The following TARS3 variants were observed in gnomAD, a reference collection of about 807,000 sequenced individuals.
TARS3 encodes the protein threonyl-tRNA synthetase 3, also known as threonine--tRNA ligase 2, cytoplasmic.
In TARS3, 94 loss-of-function variants were observed where a neutral mutation model predicts 103.5. That is an observed-to-expected ratio of 0.91 (90% CI 0.77 to 1.08). The LOEUF is 1.08. Among genes scored for constraint, TARS3 ranks in the 50% least tolerant of loss-of-function variants. The pLI is 0.00. For synonymous variants in TARS3, 416 were observed against 355.4 expected (o/e 1.17, Z -1.92); for missense variants, 952 against 995.2 (o/e 0.96, Z 0.58).
At chr15:101,695,696 A>C (rs1326866357) in intron 10 of TARS3, 1 of 152,024 alleles carries the variant, frequency 6.6e-6, no homozygotes, top group African/African-American at 2.4e-5. Flanking sequence ...TGAGGTTGGG[A>C]GTTTGAGACC....
At position 101,653,865 on chromosome 15, in the gene TARS3, T is replaced by C. The variant is rs1229151112; in HGVS notation, c.*717A>G. On this transcript the variant is annotated 3_prime_UTR_variant, in exon 19 of 19. Transcript: ENST00000335968. ...CATAAATCCATGGAATGTCATCCCA[T>C]CAAAAAAGTAACAACTCTAGGTGAG... is the stretch of plus-strand genomic sequence containing the variant. 1 of 152,116 alleles carries C rather than the reference T, an allele frequency of 6.6e-6. No individual in the cohort carries two copies. The highest frequency in any genetic ancestry group is 1.5e-5 in the Non-Finnish European group (1 of 68,024). 9.4% of individuals were successfully genotyped at this position (152,116 alleles called of 1,614,324 possible).
At chr15:101,700,785 G>A (rs958130794) in intron 10 of TARS3, among the ~76,000 whole-genome samples, 1 of 152,016 alleles carries the variant, frequency 6.6e-6, no homozygotes, top group Non-Finnish European at 1.5e-5. Context: ...GGGATTACAG[G>A]TGTGCACCAC....
chr15:101,658,498 C>CT (rs1422748960), intron 16 of TARS3, among the ~76,000 whole-genome samples: 3 of 151,720 alleles, frequency 2.0e-5, no homozygotes, highest in Admixed American at 6.6e-5. Flanking sequence ...AAGTTCATGG[C>CT]TGTCAGATAG....
At chr15:101,679,598 T>C (rs1898174374) in intron 12 of TARS3, among the ~76,000 whole-genome samples, 1 of 152,258 alleles carries the variant, frequency 6.6e-6, no homozygotes, top group African/African-American at 2.4e-5. Flanking sequence ...TGGCAGATAA[T>C]TGTAACATCT....
chr15:101,654,417 A>T lies in TARS3; in HGVS notation c.*165T>A. On this transcript the variant is annotated 3_prime_UTR_variant, in exon 19 of 19. Transcript: ENST00000335968. Reference sequence around the variant, plus strand: ...CGTCCCCCGTGGACATGAGTAAATTAAACTTCGTGCATGTCAGCTACACGT... The same window carrying T: ...CGTCCCCCGTGGACATGAGTAAATTTAACTTCGTGCATGTCAGCTACACGT... 4.3e-6 allele frequency: 3 copies of T among 705,858 alleles called. No individual in the cohort carries two copies. Among genetic ancestry groups the T allele is most frequent in the Non-Finnish European group, 6.6e-6 (3 of 455,834 alleles). The allele number at this position is 705,858 out of a possible 1,614,324, so 43.7% of individuals were successfully genotyped here.
At chr15:101,720,988 A>T in intron 3 of TARS3, 138 bp downstream of exon 3, 1 of 755,948 alleles carries the variant, frequency 1.3e-6, no homozygotes, top group Non-Finnish European at 2.1e-6. Flanking sequence ...TTCTTCCTTT[A>T]TAAATAACCC....
rs538355010 is a variant in TARS3, at chr15:101,724,447, G to A, written c.-60C>T. Reference sequence around the variant, plus strand: ...TGCCCGCGACTGCGGCGAGGGCGACGCGGACACTCAGCGCACGGCAGAAGA... The same window carrying A: ...TGCCCGCGACTGCGGCGAGGGCGACACGGACACTCAGCGCACGGCAGAAGA... On this transcript the variant is annotated 5_prime_UTR_variant, in exon 1 of 19. Coordinates refer to ENST00000335968, the MANE Select transcript of TARS3 (RefSeq NM_152334.3). The A allele has an allele frequency of 1.5e-4, 209 of 1,354,504 alleles. 4 individuals carry two copies. The South Asian group carries it at 3.3e-3, about 21-fold the overall frequency. 83.9% of individuals were successfully genotyped at this position (1,354,504 alleles called of 1,614,324 possible).
Position 101,716,161 on chromosome 15 carries a change from C to T in TARS3, c.567-1198G>A, listed in dbSNP as rs910107049. On this transcript the variant is annotated intron_variant, in intron 3 of 18. Transcript: ENST00000335968. ...CCTCCCGAGTAGCTGGGAATACAGG[C>T]GCAGGCCACCACACTCAGCTAACTT... is the stretch of plus-strand genomic sequence containing the variant. Among the ~76,000 whole-genome samples the T allele has an allele frequency of 1.3e-4, 20 of 152,014 alleles. 1 individual carries two copies. The highest frequency in any genetic ancestry group is 8.3e-4 in the South Asian group (4 of 4,822).
Position 101,703,845 on chromosome 15 carries a change from AAATC to A in TARS3, c.1074+10_1074+13del, listed in dbSNP as rs774772856. ...ACCTTAAGTTTACTGTATTAAAAAA[AAATC>A]AATCCTTACCTTAAAAATTTTGATG... On this transcript the variant is annotated intron_variant, in intron 8 of 18. Transcript: ENST00000335968. 1.9e-6 allele frequency: 3 copies of A among 1,589,162 alleles called. No homozygotes were observed. Among genetic ancestry groups the A allele is most frequent in the Non-Finnish European group, 2.6e-6 (3 of 1,158,648 alleles).
chr15:101,693,310 C>T (rs1898811405), intron 10 of TARS3, among the ~76,000 whole-genome samples: 1 of 152,108 alleles, frequency 6.6e-6, no homozygotes. Context: ...GAAGCAAAGG[C>T]ACATCTTAAA....
chr15:101,671,056 C>T lies in TARS3; in HGVS notation c.1967+430G>A, dbSNP rs773176924. Among the ~76,000 whole-genome samples the T allele has an allele frequency of 1.1e-4, 16 of 148,794 alleles. 1 individual carries two copies. The highest frequency in any genetic ancestry group is 1.5e-4 in the Non-Finnish European group (10 of 67,282). On this transcript the variant is annotated intron_variant, in intron 15 of 18. Coordinates refer to ENST00000335968, the MANE Select transcript of TARS3 (RefSeq NM_152334.3). Reference sequence around the variant, plus strand: ...AATCATAACCATCAAGCTGTACACACAACACACACACACACACACAGAGTT... The same window carrying T: ...AATCATAACCATCAAGCTGTACACATAACACACACACACACACACAGAGTT...
chr15:101,703,940 A>G lies in TARS3; in HGVS notation c.996-3T>C, dbSNP rs375033993. On this transcript the variant is annotated splice_region_variant and splice_polypyrimidine_tract_variant and intron_variant, in intron 7 of 18. Transcript: ENST00000335968. ...AAAGGTCAATTAATGGACCGCACCT[A>G]TAATGAAATATTTAGGACATGCTCA... The G allele has an allele frequency of 1.9e-6, 3 of 1,605,964 alleles. No individual in the cohort carries two copies. In the African/African-American group the frequency reaches 4.0e-5, roughly 21 times the overall value.
At chr15:101,715,590 A>G (rs1900114411) in intron 3 of TARS3, among the ~76,000 whole-genome samples, 1 of 152,156 alleles carries the variant, frequency 6.6e-6, no homozygotes, top group Admixed American at 6.5e-5. Context: ...CACCCCACGC[A>G]CACATATGTG....
chr15:101,693,849 G>A (rs538051503), intron 10 of TARS3, among the ~76,000 whole-genome samples: 7 of 152,242 alleles, frequency 4.6e-5, no homozygotes, highest in Admixed American at 2.0e-4. Context: ...TTTAGGGGTA[G>A]AGAAAAAATC....
At chr15:101,673,929 A>C (rs559075061) in intron 13 of TARS3, among the ~76,000 whole-genome samples, 5 of 151,988 alleles carry the variant, frequency 3.3e-5, no homozygotes, top group South Asian at 2.1e-4. Flanking sequence ...TGGTGTGTTA[A>C]GCTCCCAGGA....
chr15:101,661,678 T>C lies in TARS3; in HGVS notation c.2072+34A>G, dbSNP rs769286313. ...AATTAATAAAAATTAAAAAGAATAA[T>C]AGACATATAGTTTTTCTTTTCCATA... On this transcript the variant is annotated intron_variant, in intron 16 of 18. Transcript: ENST00000335968. 6 of 1,229,622 alleles carry C rather than the reference T, an allele frequency of 4.9e-6. No individual in the cohort carries two copies. The East Asian group carries it at 7.2e-5, about 15-fold the overall frequency. 76.2% of individuals were successfully genotyped at this position (1,229,622 alleles called of 1,614,324 possible). A position where few individuals can be genotyped will look rare whatever the true frequency, so the allele number is the denominator to read the frequency against.
At chr15:101,722,642 T>TTAAA (rs774095525) in intron 2 of TARS3, among the ~76,000 whole-genome samples, 2 of 58,752 alleles carry the variant, frequency 3.4e-5, no homozygotes, top group African/African-American at 1.6e-4. Context: ...CCATCTCTAC[T>TTAAA]AAAAAAAAAA....
chr15:101,679,906 C>T (rs1223547692), intron 12 of TARS3, among the ~76,000 whole-genome samples: 1 of 152,156 alleles, frequency 6.6e-6, no homozygotes, highest in Non-Finnish European at 1.5e-5. Context: ...TGTTCTAGCC[C>T]CCCTCCATGG....
At chr15:101,702,177 G>C (rs1173254345) in intron 9 of TARS3, 62 bp downstream of exon 9, 2 of 1,579,230 alleles carry the variant, frequency 1.3e-6, no homozygotes, top group African/African-American at 2.7e-5. Context: ...AGTTTTGTGA[G>C]ACAGAAACAT....
Sources: gnomAD v4.1 joint callset for allele counts (sites outside exome capture counted in the v4.1 genomes callset) on GRCh38, gnomAD v4.1.1 for gene constraint, MANE v1.5 for transcripts, NCBI Gene and HGNC (gene_info 2026-07-23, HGNC 2026-07-21) for gene names.